KIF26A: variants seen among roughly 807,000 people sequenced by gnomAD.
KIF26A encodes kinesin-like protein KIF26A.
Under a neutral mutation model 126.0 loss-of-function variants are expected in KIF26A, and 74 were observed. The observed-to-expected ratio is 0.59, with a 90% CI of 0.49 to 0.71. The LOEUF is 0.71. Ranked by LOEUF, KIF26A falls within the 30% of genes least tolerant of loss-of-function variation. KIF26A has a pLI of 0.00. For synonymous variants in KIF26A, 1,445 were observed against 1,232.7 expected, an observed-to-expected ratio of 1.17 and a Z score of -3.61; for missense variants, 2,984 against 2,763.3, an observed-to-expected ratio of 1.08 and a Z score of -1.79.
chr14:104,154,455 C>T (rs2037758602), intron 3 of KIF26A, among the ~76,000 whole-genome samples: 1 of 152,216 alleles, frequency 6.6e-6, no homozygotes. Flanking sequence ...GAACATCCCA[C>T]ATCTTGAGCA....
chr14:104,155,047 G>A (rs374911942), intron 3 of KIF26A, among the ~76,000 whole-genome samples: 4 of 152,322 alleles, frequency 2.6e-5, no homozygotes, highest in Non-Finnish European at 4.4e-5. Flanking sequence ...GGAGCTTCGC[G>A]TGGGTGGGCG....
chr14:104,165,173 G>C (rs552410290), intron 4 of KIF26A, among the ~76,000 whole-genome samples: 7 of 150,312 alleles, frequency 4.7e-5, no homozygotes, highest in Non-Finnish European at 7.4e-5. Flanking sequence ...CTCTATGCAT[G>C]TGTCTGTGTT....
intron 4 of KIF26A, among the ~76,000 whole-genome samples, chr14:104,164,924 T>C (rs1341343222): frequency 6.6e-6 from 1 of 152,006 alleles, no homozygotes; most frequent in African/African-American, 2.4e-5. Flanking sequence ...TCTCTGTGTG[T>C]GTCTCTATGT....
At chr14:104,150,762 C>T (rs961461287) in intron 2 of KIF26A, among the ~76,000 whole-genome samples, 16 of 152,232 alleles carry the variant, frequency 1.1e-4, no homozygotes, top group Non-Finnish European at 2.1e-4. Context: ...AGCCATCGAG[C>T]CAGGGACTGC....
intron 4 of KIF26A, 32 bp from the exon 5 acceptor site, chr14:104,166,827 C>T (rs2037909129): frequency 1.3e-6 from 2 of 1,519,110 alleles, no homozygotes; most frequent in Admixed American, 2.0e-5. Context: ...CTGTCACCCA[C>T]CACTGATCCT....
At chr14:104,178,828 T>C in intron 13 of KIF26A, 73 bp downstream of exon 13, 1 of 878,112 alleles carries the variant, frequency 1.1e-6, no homozygotes, top group Non-Finnish European at 1.7e-6. Flanking sequence ...GTGAGCCATT[T>C]GATGGGCTCG....
In KIF26A at chr14:104,176,918, C is replaced by G. The variant is rs764347039; in HGVS notation, c.4130C>G (p.Pro1377Arg). The change falls in exon 12 of 15, where the codon CCG becomes CGG. Residue 1377 changes from proline (P) to arginine (R), a missense_variant. Pro to Arg is a moderately radical substitution (Grantham distance 103). Coordinates refer to ENST00000423312, the MANE Select transcript of KIF26A (RefSeq NM_015656.2). ...RKSSLEQRSSPASAPPHAVNP... is the reference protein window; with the variant it reads ...RKSSLEQRSSRASAPPHAVNP... ...TCCAGCCTGGAGCAGAGGAGCAGCC[C>G]GGCCTCGGCCCCTCCGCATGCTGTG... 1 of 1,537,378 alleles carries G rather than the reference C, an allele frequency of 6.5e-7. No homozygotes were observed.
intron 2 of KIF26A, among the ~76,000 whole-genome samples, chr14:104,146,368 CTTG>C (rs1447089903): frequency 6.6e-6 from 1 of 152,026 alleles, no homozygotes; most frequent in East Asian, 1.9e-4. Context: ...GGGGCTGTAG[CTTG>C]TGGGGCATGG....
In KIF26A at chr14:104,175,224, T is replaced by C. The variant is rs1480624777; in HGVS notation, c.2436T>C (p.Pro812=). Residue 812 remains proline (P), a synonymous_variant, in exon 12 of 15, where the codon CCT becomes CCC. Coordinates refer to ENST00000423312, the MANE Select transcript of KIF26A (RefSeq NM_015656.2). ...DRELTDNEGP[P]DFVPIIPALS... ...AGCTCACCGACAACGAAGGTCCGCCTGACTTCGTGCCCATCATCCCTGCCC... is the reference window on the plus strand; with the variant it reads ...AGCTCACCGACAACGAAGGTCCGCCCGACTTCGTGCCCATCATCCCTGCCC... The C allele has an allele frequency of 1.9e-6, 3 of 1,609,716 alleles. No individual in the cohort carries two copies. The highest frequency in any genetic ancestry group is 2.5e-6 in the Non-Finnish European group (3 of 1,179,484).
At position 104,179,866 on chromosome 14, in the gene KIF26A, G is replaced by C; in HGVS notation, c.*76G>C. The C allele has an allele frequency of 1.5e-6, 2 of 1,353,144 alleles. No individual in the cohort carries two copies. The highest frequency in any genetic ancestry group is 2.0e-6 in the Non-Finnish European group (2 of 1,017,354). 83.8% of individuals were successfully genotyped at this position (1,353,144 alleles called of 1,614,324 possible). A position where few individuals can be genotyped will look rare whatever the true frequency, so the allele number is the denominator to read the frequency against. On this transcript the variant is annotated 3_prime_UTR_variant, in exon 15 of 15. Coordinates refer to ENST00000423312, the MANE Select transcript of KIF26A (RefSeq NM_015656.2). ...ACGTGGGACGGAGCGAGGATGTGGTGGGGGCTGCGGGGGGAGGATGCGGAG... is the reference window on the plus strand; with the variant it reads ...ACGTGGGACGGAGCGAGGATGTGGTCGGGGCTGCGGGGGGAGGATGCGGAG...
In KIF26A at chr14:104,176,053, C is replaced by G; in HGVS notation, c.3265C>G (p.Gln1089Glu). ...INDEFDAYTS[Q>E]APEGGPLEGA... ...TGATGAGTTTGACGCCTACACCTCT[C>G]AGGCCCCTGAGGGGGGGCCCCTGGA... Residue 1089 changes from glutamine (Q) to glutamate (E), a missense_variant, in exon 12 of 15, where the codon CAG (glutamine) becomes GAG (glutamate). Gln to Glu is a conservative substitution (Grantham distance 29). Transcript: ENST00000423312. The G allele has an allele frequency of 6.3e-7, 1 of 1,596,280 alleles. No individual in the cohort carries two copies.
intron 2 of KIF26A, among the ~76,000 whole-genome samples, chr14:104,145,693 C>G (rs1488600884): frequency 1.3e-5 from 2 of 152,342 alleles, no homozygotes; most frequent in Admixed American, 1.3e-4. Flanking sequence ...CTTCCCTCCC[C>G]AGCTCATAGC....
intron 3 of KIF26A, among the ~76,000 whole-genome samples, chr14:104,156,808 G>A (rs150877087): frequency 2.2e-3 from 332 of 152,300 alleles, no homozygotes; most frequent in African/African-American, 7.5e-3. Context: ...ACCAGCCCAC[G>A]TCCCCTCAGC....
In KIF26A at chr14:104,178,607, G is replaced by A. The variant is rs778564134; in HGVS notation, c.5168G>A (p.Arg1723His). ...CTGCCCGACACCACTGCCCTGGGCC[G>A]TAAGCCCAGCCTCCCCGGGCAGTGG... Reference protein sequence around the residue: ...APLPDTTALGRKPSLPGQWVD... With the variant: ...APLPDTTALGHKPSLPGQWVD... Residue 1723 changes from arginine (R) to histidine (H), a missense_variant, in exon 13 of 15, where the codon CGT (arginine) becomes CAT (histidine). By Grantham distance (29) the Arg-to-His change is conservative. Transcript: ENST00000423312. 144 of 1,545,710 alleles carry A rather than the reference G, an allele frequency of 9.3e-5. No homozygotes were observed. The highest frequency in any genetic ancestry group is 1.2e-4 in the Non-Finnish European group (137 of 1,145,852).
Position 104,176,271 on chromosome 14 carries a change from G to C in KIF26A, c.3483G>C (p.Leu1161=). 6.3e-7 allele frequency: 1 copy of C among 1,594,552 alleles called. No individual in the cohort carries two copies. The highest frequency in any genetic ancestry group is 8.5e-7 in the Non-Finnish European group (1 of 1,170,198). The part of the protein sequence containing the change: ...GSLGDGSSGF[L]GPDRPDSPGP... ...TGGGGGATGGAAGCTCTGGGTTCCT[G>C]GGGCCAGACAGACCTGACAGTCCTG... The change falls in exon 12 of 15, where the codon CTG becomes CTC. Residue 1161 remains leucine (L), a synonymous_variant. Coordinates refer to ENST00000423312, the MANE Select transcript of KIF26A (RefSeq NM_015656.2).
intron 2 of KIF26A, among the ~76,000 whole-genome samples, chr14:104,140,830 G>C (rs2037631163): frequency 1.3e-5 from 2 of 152,172 alleles, no homozygotes; most frequent in African/African-American, 4.8e-5. Flanking sequence ...CCCTTCCCTA[G>C]CTGGCGCTGG....
At position 104,152,523 on chromosome 14, in the gene KIF26A, G is replaced by C. The variant is rs1317326327; in HGVS notation, c.735+62G>C. On this transcript the variant is annotated intron_variant, in intron 3 of 14. Transcript: ENST00000423312. This position sits in a 1 kb window ranked among gnomAD's most constrained non-coding sequence, Gnocchi z 5.9. ...TCCTTGTCAGAACTGGGCTTCCTTC[G>C]GGGGTCTCTGTCCACGTTGAGTGCC... 3.5e-5 allele frequency: 50 copies of C among 1,446,962 alleles called. No homozygotes were observed. Among genetic ancestry groups the C allele is most frequent in the Non-Finnish European group, 4.2e-5 (46 of 1,089,404 alleles). The allele number at this position is 1,446,962 out of a possible 1,614,324, so 89.6% of individuals were successfully genotyped here.
At position 104,172,565 on chromosome 14, in the gene KIF26A, G is replaced by T; in HGVS notation, c.1327-10G>T. The T allele has an allele frequency of 1.9e-6, 3 of 1,608,732 alleles. No homozygotes were observed. Among genetic ancestry groups the T allele is most frequent in the Non-Finnish European group, 2.5e-6 (3 of 1,176,700 alleles). ...GGCCACAGCCCTGCCTGATTCTCTT[G>T]CCCCCCTAGGCCGAAGTCTGCTCGG... On this transcript the variant is annotated splice_polypyrimidine_tract_variant and intron_variant, in intron 6 of 14. Transcript: ENST00000423312.
In KIF26A at chr14:104,179,219, C is replaced by T; in HGVS notation, c.5317-17C>T. 6.9e-7 allele frequency: 1 copy of T among 1,450,476 alleles called. No individual in the cohort carries two copies. The highest frequency in any genetic ancestry group is 9.0e-7 in the Non-Finnish European group (1 of 1,105,730). The allele number at this position is 1,450,476 out of a possible 1,614,324, so 89.9% of individuals were successfully genotyped here. A position where few individuals can be genotyped will look rare whatever the true frequency, so the allele number is the denominator to read the frequency against. The stretch of plus-strand genomic sequence containing the variant: ...AGAGGGTCCCATGCCTGAGCCCCCG[C>T]CCGCCCTGCCTCCCAGGGTCTGGCG... On this transcript the variant is annotated splice_polypyrimidine_tract_variant and intron_variant, in intron 13 of 14. Coordinates refer to ENST00000423312, the MANE Select transcript of KIF26A (RefSeq NM_015656.2).
Sources: gnomAD v4.1 joint callset for allele counts (sites outside exome capture counted in the v4.1 genomes callset) on GRCh38, gnomAD v4.1.1 for gene constraint, Gnocchi (gnomAD v3.1) non-coding constraint, MANE v1.5 for transcripts, NCBI Gene and HGNC (gene_info 2026-07-23, HGNC 2026-07-21) for gene names.